Variants in PIWIL4 observed in about 807,000 individuals in gnomAD.
PIWIL4 encodes piwi like RNA-mediated gene silencing 4.
In PIWIL4, 50 loss-of-function variants were observed where a neutral mutation model predicts 100.9. That is an observed-to-expected ratio of 0.50 (90% CI 0.39 to 0.63). The LOEUF (loss-of-function observed/expected upper bound fraction) is 0.63, where lower values mean the gene tolerates loss of function less well. Ranked by LOEUF, PIWIL4 falls within the 20% of genes least tolerant of loss-of-function variation. The pLI is 0.00. For missense variants in PIWIL4, 887 were observed against 1,043.3 expected (o/e 0.85, Z 2.06); for synonymous variants, 342 against 367.5 (o/e 0.93, Z 0.79).
At chr11:94,577,530 G>A in intron 4 of PIWIL4, 38 bp downstream of exon 4, 1 of 1,515,136 alleles carries the variant, frequency 6.6e-7, no homozygotes. Context: ...ATATGTGGGT[G>A]TGTGTTTATT....
chr11:94,575,179 T>A (rs192071770), intron 3 of PIWIL4, 49 bp downstream of exon 3: 1 of 1,576,620 alleles, frequency 6.3e-7, no homozygotes, highest in Admixed American at 1.8e-5. Flanking sequence ...AAATCTTGCT[T>A]AAGGACTTCC....
At chr11:94,600,902 C>T (rs1419580302) in intron 11 of PIWIL4, among the ~76,000 whole-genome samples, 1 of 151,910 alleles carries the variant, frequency 6.6e-6, no homozygotes, top group Admixed American at 6.6e-5. Flanking sequence ...CTCTGTTCCG[C>T]CCGGCTCACC....
chr11:94,584,419 C>G (rs990156452), intron 5 of PIWIL4, among the ~76,000 whole-genome samples: 1 of 152,192 alleles, frequency 6.6e-6, no homozygotes, highest in African/African-American at 2.4e-5. Flanking sequence ...GATGTCTTGT[C>G]CAGCACCTTT....
Position 94,604,042 on chromosome 11 carries a change from C to T in PIWIL4, c.1624C>T (p.Pro542Ser). The T allele has an allele frequency of 6.2e-7, 1 of 1,604,062 alleles. No individual in the cohort carries two copies. ...FVRAIQQYVD[P>S]DVQLVMCILP... ...TAGAGCTATACAGCAATATGTTGAT[C>T]CTGATGTTCAGCTGGTAAGTACAGG... The change falls in exon 13 of 20, where the codon CCT becomes TCT. Residue 542 changes from proline to serine, a missense_variant. Physicochemically the swap from Pro to Ser is moderately conservative, Grantham distance 74 (BLOSUM62 -1). Coordinates refer to ENST00000299001, the MANE Select transcript of PIWIL4 (RefSeq NM_152431.3).
intron 9 of PIWIL4, 29 bp downstream of exon 9, chr11:94,593,670 G>T (rs546251499): frequency 6.2e-7 from 1 of 1,610,434 alleles, no homozygotes; most frequent in African/African-American, 1.3e-5. Context: ...ACCTCTGTCA[G>T]GCTCCTGGAT....
Position 94,601,856 on chromosome 11 carries a change from C to T in PIWIL4, c.1442C>T (p.Ala481Val), listed in dbSNP as rs1368842287. ...ATTCGAACTTGCAAGATTTTAAATG[C>T]ACAGTCTTTGAATACCTGGTTGATT... ...KDIRTCKILN[A>V]QSLNTWLILC... The change falls in exon 12 of 20, where the codon GCA becomes GTA. Residue 481 changes from alanine to valine, a missense_variant. By Grantham distance (64) the Ala-to-Val change is moderately conservative (BLOSUM62 0). Around this residue, in one of 2 missense-constraint regions of PIWIL4, gnomAD observed 741 missense variants for 930.0 expected, o/e 0.80. Transcript: ENST00000299001. 1.2e-6 allele frequency: 2 copies of T among 1,614,044 alleles called. No homozygotes were observed. Among genetic ancestry groups the T allele is most frequent in the East Asian group, 2.2e-5 (1 of 44,882 alleles).
At chr11:94,617,915 GA>G (rs781780713) in intron 16 of PIWIL4, 38 bp from the exon 17 acceptor site, 2 of 1,601,228 alleles carry the variant, frequency 1.2e-6, no homozygotes, top group Non-Finnish European at 8.6e-7. Flanking sequence ...GTTGGCATTA[GA>G]AAAGTAATTC....
intron 5 of PIWIL4, among the ~76,000 whole-genome samples, chr11:94,584,792 C>T (rs958649590): frequency 6.6e-6 from 1 of 152,100 alleles, no homozygotes; most frequent in Non-Finnish European, 1.5e-5. Flanking sequence ...TCGGCTGGGC[C>T]GGTGGCTCAC....
intron 11 of PIWIL4, among the ~76,000 whole-genome samples, chr11:94,601,377 A>G (rs552275706): frequency 1.3e-5 from 2 of 152,266 alleles, no homozygotes; most frequent in East Asian, 1.9e-4. Context: ...ATGATGACCT[A>G]GAGTATTGAT....
At chr11:94,573,244 T>A (rs1181682916) in intron 2 of PIWIL4, among the ~76,000 whole-genome samples, 1 of 152,178 alleles carries the variant, frequency 6.6e-6, no homozygotes. Context: ...ACGGAGACAA[T>A]TTGACTTCCT....
intron 3 of PIWIL4, 133 bp downstream of exon 3, chr11:94,575,263 G>C (rs1274674535): frequency 1.1e-6 from 1 of 904,900 alleles, no homozygotes; most frequent in Non-Finnish European, 1.7e-6. Flanking sequence ...CTATGTTCAA[G>C]GCACTGTTAG....
chr11:94,617,383 C>T (rs962551694), intron 16 of PIWIL4, among the ~76,000 whole-genome samples: 6 of 151,672 alleles, frequency 4.0e-5, no homozygotes, highest in Non-Finnish European at 7.4e-5. Context: ...TAAAGGTTTT[C>T]GTTGGGTAGC....
chr11:94,567,652 G>A (rs1178583320), intron 1 of PIWIL4, 47 bp downstream of exon 1: 4 of 1,516,546 alleles, frequency 2.6e-6, no homozygotes, highest in East Asian at 2.4e-5. Flanking sequence ...TCCTACCTCT[G>A]TCTCTAGCCT....
chr11:94,602,077 A>G (rs531679149), intron 12 of PIWIL4, 98 bp downstream of exon 12: 16 of 1,154,842 alleles, frequency 1.4e-5, no homozygotes, highest in Admixed American at 2.6e-5. Flanking sequence ...TTATCCCAGT[A>G]GTTTCCTAAT....
chr11:94,575,004 T>G lies in PIWIL4; in HGVS notation c.172T>G (p.Tyr58Asp). 1 of 1,612,096 alleles carries G rather than the reference T, an allele frequency of 6.2e-7. No individual in the cohort carries two copies. The highest frequency in any genetic ancestry group is 8.5e-7 in the Non-Finnish European group (1 of 1,178,406). Residue 58 changes from tyrosine to aspartate, a missense_variant, in exon 3 of 20, where the codon TAT (tyrosine) becomes GAT (aspartate). Transcript: ENST00000299001. Reference protein sequence around the residue: ...GTSRISTNDKYGISSGDAGST... With the variant: ...GTSRISTNDKDGISSGDAGST... ...ACATTCTCTTCATGTTTTAGATAAA[T>G]ATGGGATATCTTCTGGTGATGCTGG... is the stretch of plus-strand genomic sequence containing the variant.
intron 15 of PIWIL4, among the ~76,000 whole-genome samples, chr11:94,612,465 G>A (rs577338731): frequency 1.3e-5 from 2 of 152,064 alleles, no homozygotes; most frequent in South Asian, 4.1e-4. Context: ...CTTTGTAGGT[G>A]GCATTTAGTT....
chr11:94,588,554 AG>A (rs2135262074), intron 7 of PIWIL4, among the ~76,000 whole-genome samples: 1 of 152,340 alleles, frequency 6.6e-6, no homozygotes, highest in East Asian at 1.9e-4. Context: ...TTCTGCCCCT[AG>A]GCTAGGTCAT....
intron 11 of PIWIL4, among the ~76,000 whole-genome samples, chr11:94,599,187 TGAA>T (rs761847396): frequency 5.9e-5 from 9 of 152,204 alleles, no homozygotes; most frequent in Non-Finnish European, 1.3e-4. Flanking sequence ...GATCCACATG[TGAA>T]GAAGGACTTA....
intron 15 of PIWIL4, among the ~76,000 whole-genome samples, chr11:94,613,334 A>G (rs79806197): frequency 0.01 from 1,582 of 152,268 alleles, 30 homozygotes; most frequent in African/African-American, 0.036. Context: ...CTGATAGCCT[A>G]TGAGGGTTCC....
Sources: gnomAD v4.1 joint callset for allele counts (sites outside exome capture counted in the v4.1 genomes callset) on GRCh38, gnomAD v4.1.1 for gene constraint, gnomAD v4.1.1 regional missense constraint, MANE v1.5 for transcripts, NCBI Gene and HGNC (gene_info 2026-07-23, HGNC 2026-07-21) for gene names.